Variants in XKR4 observed in about 807,000 individuals in gnomAD.
XKR4 encodes XK related 4, also known as XK-related protein 4.
XKR4 carries 12 observed loss-of-function variants against 53.9 expected under a neutral mutation model. The ratio of observed to expected loss-of-function variants is 0.22; its 90% CI spans 0.14 to 0.36. XKR4 has a LOEUF of 0.36. Ranked by LOEUF, XKR4 falls within the 10% of genes least tolerant of loss-of-function variation. XKR4 has a pLI of 1.00. For synonymous variants in XKR4, 354 were observed against 362.4 expected, an observed-to-expected ratio of 0.98 and a Z score of 0.26; for missense variants, 799 against 859.5, an observed-to-expected ratio of 0.93 and a Z score of 0.88.
At chr8:55,319,657 T>TA (rs1441895778) in intron 1 of XKR4, among the ~76,000 whole-genome samples, 2 of 152,186 alleles carry the variant, frequency 1.3e-5, no homozygotes, top group East Asian at 1.9e-4. Flanking sequence ...AGGCACATCA[T>TA]AAAAAATGCT....
intron 2 of XKR4, among the ~76,000 whole-genome samples, chr8:55,474,981 T>C (rs1805956779): frequency 6.6e-6 from 1 of 152,172 alleles, no homozygotes; most frequent in Non-Finnish European, 1.5e-5. Flanking sequence ...TCATTCGCTC[T>C]GTCTTCAAGG....
intron 1 of XKR4, among the ~76,000 whole-genome samples, chr8:55,229,530 A>G (rs1818002488): frequency 6.6e-6 from 1 of 152,234 alleles, no homozygotes; most frequent in Non-Finnish European, 1.5e-5. Flanking sequence ...TGGATGGAGG[A>G]TGAATAGTGC....
chr8:55,257,941 C>A (rs890739502), intron 1 of XKR4, among the ~76,000 whole-genome samples: 1 of 152,180 alleles, frequency 6.6e-6, no homozygotes, highest in Non-Finnish European at 1.5e-5. Context: ...CAGTGGGAAT[C>A]CAGCAGGAGC....
At chr8:55,447,569 A>G (rs540772128) in intron 2 of XKR4, among the ~76,000 whole-genome samples, 30 of 152,332 alleles carry the variant, frequency 2.0e-4, no homozygotes, top group Non-Finnish European at 4.4e-5. Context: ...ACTATCTACT[A>G]TTATCATTAT....
At chr8:55,188,861 A>G (rs1817410507) in intron 1 of XKR4, among the ~76,000 whole-genome samples, 1 of 152,204 alleles carries the variant, frequency 6.6e-6, no homozygotes, top group Non-Finnish European at 1.5e-5. Context: ...GATAAGCAAG[A>G]TAATGCAAGT....
At position 55,399,734 on chromosome 8, in the gene XKR4, G is replaced by A. The variant is rs183623091; in HGVS notation, c.1006+41857G>A. ...GCTGGATAATGGCAAGGAACAGACC[G>A]AAGGCTTTGTCTGATCTTTCTTCTA... On this transcript the variant is annotated intron_variant, in intron 2 of 2. Coordinates refer to ENST00000327381, the MANE Select transcript of XKR4 (RefSeq NM_052898.2). Among the ~76,000 whole-genome samples the A allele has an allele frequency of 1.0e-3, 158 of 152,324 alleles. 2 individuals are homozygous for A. Among genetic ancestry groups the A allele is most frequent in the African/African-American group, 3.6e-3 (150 of 41,574 alleles).
rs941092220 is a variant in XKR4, at chr8:55,537,863, C to G, written c.*13636C>G. 1 of 152,276 alleles carries G rather than the reference C, an allele frequency of 6.6e-6. No individual in the cohort carries two copies. Among genetic ancestry groups the G allele is most frequent in the East Asian group, 1.9e-4 (1 of 5,188 alleles). 9.4% of individuals were successfully genotyped at this position (152,276 alleles called of 1,614,324 possible). On this transcript the variant is annotated 3_prime_UTR_variant, in exon 3 of 3. Transcript: ENST00000327381. ...CTTTTCTTTTTCCCTAAGATTTTTA[C>G]TTCACCAAATCCCATTTCAAATCTT...
intron 1 of XKR4, among the ~76,000 whole-genome samples, chr8:55,133,543 G>A (rs927253610): frequency 1.3e-5 from 2 of 152,202 alleles, no homozygotes; most frequent in Non-Finnish European, 2.9e-5. Context: ...GGTATCTCGT[G>A]TCTGTGAATA....
intron 2 of XKR4, among the ~76,000 whole-genome samples, chr8:55,379,962 T>C (rs1804207266): frequency 6.6e-6 from 1 of 152,226 alleles, no homozygotes; most frequent in Non-Finnish European, 1.5e-5. Context: ...ACACTTCTTA[T>C]AGCTTATTAT....
At chr8:55,243,551 G>A (rs1002540963) in intron 1 of XKR4, among the ~76,000 whole-genome samples, 7 of 152,190 alleles carry the variant, frequency 4.6e-5, no homozygotes, top group African/African-American at 1.7e-4. Context: ...GTTTTTGTGT[G>A]GACATAAGTT....
At chr8:55,129,384 A>G (rs1003419030) in intron 1 of XKR4, among the ~76,000 whole-genome samples, 3 of 152,170 alleles carry the variant, frequency 2.0e-5, no homozygotes, top group Non-Finnish European at 4.4e-5. Flanking sequence ...ACTGCCTTGC[A>G]CTCTGAGCTG....
chr8:55,102,301 C>G lies in XKR4; in HGVS notation c.-188C>G. ...GCCGGCCCCAGGCGCGCCGCTAGCCCGGCCCAGCGCCCAGCCCGGCGGGCG... is the reference window on the plus strand; with the variant it reads ...GCCGGCCCCAGGCGCGCCGCTAGCCGGGCCCAGCGCCCAGCCCGGCGGGCG... On this transcript the variant is annotated 5_prime_UTR_variant, in exon 1 of 3. Coordinates refer to ENST00000327381, the MANE Select transcript of XKR4 (RefSeq NM_052898.2). This position sits in a 1 kb window ranked among gnomAD's most constrained non-coding sequence, Gnocchi z 5.1. 1 of 788,578 alleles carries G rather than the reference C, an allele frequency of 1.3e-6. No individual in the cohort carries two copies. The highest frequency in any genetic ancestry group is 1.5e-6 in the Non-Finnish European group (1 of 647,886). 48.8% of individuals were successfully genotyped at this position (788,578 alleles called of 1,614,324 possible). A position where few individuals can be genotyped will look rare whatever the true frequency, so the allele number is the denominator to read the frequency against.
At chr8:55,144,296 T>C (rs1419773730) in intron 1 of XKR4, among the ~76,000 whole-genome samples, 1 of 152,180 alleles carries the variant, frequency 6.6e-6, no homozygotes. Context: ...TTAATTTTCA[T>C]TGAAACCCAG....
At chr8:55,413,007 G>A (rs987641605) in intron 2 of XKR4, among the ~76,000 whole-genome samples, 5 of 152,222 alleles carry the variant, frequency 3.3e-5, no homozygotes, top group Admixed American at 2.0e-4. Flanking sequence ...TGACAGCAAC[G>A]TTCTGCTCTG....
At chr8:55,400,480 C>A (rs1208840207) in intron 2 of XKR4, among the ~76,000 whole-genome samples, 1 of 152,072 alleles carries the variant, frequency 6.6e-6, no homozygotes, top group Non-Finnish European at 1.5e-5. Context: ...GTACAGGAAC[C>A]CAAGTCCCTG....
chr8:55,225,629 G>A (rs182377017), intron 1 of XKR4, among the ~76,000 whole-genome samples: 3 of 152,312 alleles, frequency 2.0e-5, no homozygotes, highest in Non-Finnish European at 4.4e-5. Context: ...AATTCATCCA[G>A]AGCCAGATGC....
intron 2 of XKR4, among the ~76,000 whole-genome samples, chr8:55,400,137 G>A (rs1804577415): frequency 6.6e-6 from 1 of 152,178 alleles, no homozygotes; most frequent in Non-Finnish European, 1.5e-5. Context: ...CTTTGTCTTA[G>A]AGAACACAAC....
intron 1 of XKR4, among the ~76,000 whole-genome samples, chr8:55,227,629 T>A (rs1436847065): frequency 6.6e-6 from 1 of 151,876 alleles, no homozygotes; most frequent in Non-Finnish European, 1.5e-5. Context: ...GAAAGGGCCC[T>A]GGCTGAGCTG....
At chr8:55,420,538 A>G (rs1272472877) in intron 2 of XKR4, among the ~76,000 whole-genome samples, 10 of 148,044 alleles carry the variant, frequency 6.8e-5, no homozygotes, top group Admixed American at 1.3e-4. Flanking sequence ...CGCAAGAACA[A>G]AAAACCAAAC....
Sources: allele counts gnomAD v4.1 joint callset (sites outside exome capture counted in the v4.1 genomes callset), GRCh38; gene constraint gnomAD v4.1.1; non-coding constraint Gnocchi (gnomAD v3.1); transcripts MANE v1.5; gene names NCBI Gene and HGNC (gene_info 2026-07-23, HGNC 2026-07-21).